Variants in MEI4 observed in about 807,000 individuals in gnomAD.
The protein encoded by MEI4 is meiotic double-stranded break formation protein 4, also known as meiosis-specific protein MEI4.
A neutral mutation model predicts 31.4 loss-of-function variants in MEI4; 27 were observed. That is an observed-to-expected ratio of 0.86 (90% CI 0.63 to 1.19). The LOEUF (loss-of-function observed/expected upper bound fraction) is 1.19. Ranked by LOEUF, MEI4 falls within the 50% of genes most tolerant of loss-of-function variation. The pLI, the probability that MEI4 is intolerant of heterozygous loss-of-function variation, is 0.00. For synonymous variants in MEI4, 122 were observed against 145.4 expected (o/e 0.84, Z 1.16); for missense variants, 329 against 398.9 (o/e 0.82, Z 1.49).
intron 4 of MEI4, among the ~76,000 whole-genome samples, chr6:77,904,564 T>G (rs966829502): frequency 1.3e-5 from 2 of 152,158 alleles, no homozygotes; most frequent in Non-Finnish European, 2.9e-5. Flanking sequence ...ATACAGGATT[T>G]GGTTTTCTGT....
intron 2 of MEI4, among the ~76,000 whole-genome samples, chr6:77,732,512 C>G (rs1767032764): frequency 6.6e-6 from 1 of 151,188 alleles, no homozygotes; most frequent in African/African-American, 2.4e-5. Context: ...TGCTTATCAG[C>G]TTAAGGAGAT....
chr6:77,699,085 C>T (rs1190294896), intron 2 of MEI4, among the ~76,000 whole-genome samples: 1 of 152,128 alleles, frequency 6.6e-6, no homozygotes, highest in Non-Finnish European at 1.5e-5. Flanking sequence ...CTGCATTCTT[C>T]ACGTAGTTCT....
chr6:77,710,606 T>G (rs2127659730), intron 2 of MEI4, among the ~76,000 whole-genome samples: 2 of 152,238 alleles, frequency 1.3e-5, no homozygotes, highest in African/African-American at 4.8e-5. Context: ...AAAAATTTAT[T>G]TTTCTTTTTT....
At chr6:77,799,955 T>A (rs1224589712) in intron 3 of MEI4, among the ~76,000 whole-genome samples, 2 of 152,204 alleles carry the variant, frequency 1.3e-5, no homozygotes, top group Non-Finnish European at 2.9e-5. Context: ...TTCTTTTGGC[T>A]TAGGATTTAC....
At chr6:77,866,715 G>C (rs1481428581) in intron 4 of MEI4, among the ~76,000 whole-genome samples, 1 of 151,830 alleles carries the variant, frequency 6.6e-6, no homozygotes, top group Non-Finnish European at 1.5e-5. Flanking sequence ...TCACAGAATT[G>C]GAAAAAACTA....
chr6:77,874,998 T>A lies in MEI4; in HGVS notation c.900+45936T>A, dbSNP rs151306440. ...CCTTACTTTTAAAACTAAGTGGTCATAGCTGAAGGAACCCTTAGCTTTTTT... is the reference window on the plus strand; with the variant it reads ...CCTTACTTTTAAAACTAAGTGGTCAAAGCTGAAGGAACCCTTAGCTTTTTT... On this transcript the variant is annotated intron_variant, in intron 4 of 4. Transcript: ENST00000684080. 2.3e-4 allele frequency among the ~76,000 whole-genome samples: 35 copies of A among 152,330 alleles called. No homozygotes were observed. The East Asian group carries it at 6.8e-3, about 29-fold the overall frequency.
chr6:77,736,261 A>G (rs1767210424), intron 2 of MEI4, among the ~76,000 whole-genome samples: 1 of 151,622 alleles, frequency 6.6e-6, no homozygotes, highest in African/African-American at 2.4e-5. Context: ...GTTTGATCTC[A>G]GAGGGCTGTG....
At chr6:77,787,314 C>A (rs541281082) in intron 3 of MEI4, among the ~76,000 whole-genome samples, 2 of 152,246 alleles carry the variant, frequency 1.3e-5, no homozygotes, top group South Asian at 4.1e-4. Flanking sequence ...ATTTGCAGAC[C>A]AAGAAGCTGA....
intron 4 of MEI4, among the ~76,000 whole-genome samples, chr6:77,880,597 A>T (rs568849571): frequency 1.3e-5 from 2 of 152,316 alleles, no homozygotes; most frequent in East Asian, 3.9e-4. Flanking sequence ...GAGCAGAAAG[A>T]ACAGAAAGTC....
rs184056570 is a variant in MEI4, at chr6:77,736,506, G to A, written c.233-24624G>A. 4.1e-3 allele frequency among the ~76,000 whole-genome samples: 623 copies of A among 152,092 alleles called. 12 individuals are homozygous for A. Among genetic ancestry groups the A allele is most frequent in the African/African-American group, 0.014 (580 of 41,408 alleles). On this transcript the variant is annotated intron_variant, in intron 2 of 4. Transcript: ENST00000684080. ...CCCTGCTTCGGCTTGCGAACGGTGC[G>A]CGCACACACTGACCTGCGCCCACTG...
chr6:77,744,467 T>C (rs753667899), intron 2 of MEI4, among the ~76,000 whole-genome samples: 4 of 151,478 alleles, frequency 2.6e-5, no homozygotes, highest in Non-Finnish European at 5.9e-5. Context: ...TATGGGACTA[T>C]GCGAAAAGAC....
intron 4 of MEI4, among the ~76,000 whole-genome samples, chr6:77,865,377 T>TA (rs1196489935): frequency 7.2e-5 from 11 of 151,882 alleles, no homozygotes; most frequent in Admixed American, 1.3e-4. Flanking sequence ...ATAGACGCAA[T>TA]AAAAAATGAT....
intron 3 of MEI4, among the ~76,000 whole-genome samples, chr6:77,818,110 T>G (rs989923266): frequency 1.3e-5 from 2 of 152,066 alleles, no homozygotes; most frequent in Non-Finnish European, 2.9e-5. Context: ...TTTTTTTGTT[T>G]TGTTTTTGTT....
chr6:77,742,827 C>G (rs1002261174), intron 2 of MEI4, among the ~76,000 whole-genome samples: 1 of 151,978 alleles, frequency 6.6e-6, no homozygotes, highest in African/African-American at 2.4e-5. Context: ...CCAGTTTCAG[C>G]TTTCTACATA....
intron 3 of MEI4, among the ~76,000 whole-genome samples, chr6:77,785,941 G>A (rs1051379456): frequency 1.3e-5 from 2 of 152,020 alleles, no homozygotes; most frequent in Non-Finnish European, 2.9e-5. Flanking sequence ...AGTCTTGGAT[G>A]GTACCTGTCA....
intron 1 of MEI4, among the ~76,000 whole-genome samples, chr6:77,670,844 G>GC (rs1768725073): frequency 1.3e-5 from 2 of 151,762 alleles, no homozygotes; most frequent in South Asian, 2.1e-4. Context: ...TTATTTTGTG[G>GC]CCCCCCAACT....
chr6:77,682,087 T>A (rs1045681501), intron 1 of MEI4, among the ~76,000 whole-genome samples: 1 of 152,210 alleles, frequency 6.6e-6, no homozygotes, highest in African/African-American at 2.4e-5. Context: ...ATTAAACTAA[T>A]TATCTCAAAA....
At chr6:77,857,578 A>C (rs931798385) in intron 4 of MEI4, among the ~76,000 whole-genome samples, 1 of 152,318 alleles carries the variant, frequency 6.6e-6, no homozygotes, top group East Asian at 1.9e-4. Context: ...TCTCCTACTC[A>C]TGAGTTACCT....
At chr6:77,758,615 C>T (rs1767969163) in intron 2 of MEI4, among the ~76,000 whole-genome samples, 1 of 152,102 alleles carries the variant, frequency 6.6e-6, no homozygotes, top group Admixed American at 6.5e-5. Context: ...TAGTTCTGCA[C>T]AACCCTATAC....
Sources: gnomAD v4.1 joint callset for allele counts (sites outside exome capture counted in the v4.1 genomes callset) on GRCh38, gnomAD v4.1.1 for gene constraint, MANE v1.5 for transcripts, NCBI Gene and HGNC (gene_info 2026-07-23, HGNC 2026-07-21) for gene names.